The following DCAF8L2 variants were observed in gnomAD, a reference collection of about 807,000 sequenced individuals.
DCAF8L2 encodes DDB1 and CUL4 associated factor 8 like 2.
For missense variants in DCAF8L2, 430 were observed against 490.7 expected, an observed-to-expected ratio of 0.88 and a Z score of 1.17; for synonymous variants, 200 against 190.9, an observed-to-expected ratio of 1.05 and a Z score of -0.39.
chrX:27,546,245 A>T, the DCAF8L2 span, among the ~76,000 whole-genome samples: 1 of 112,079 alleles, frequency 8.9e-6, no homozygotes, highest in Non-Finnish European at 1.9e-5. Flanking sequence ...CTTTGACTTC[A>T]TGTCTCACAT....
the DCAF8L2 span, among the ~76,000 whole-genome samples, chrX:27,493,659 T>A: frequency 1.0e-5 from 1 of 96,594 alleles, no homozygotes; most frequent in South Asian, 4.6e-4. Flanking sequence ...TGCAGTGAGC[T>A]GAGATCGCAC....
At chrX:27,556,480 T>C in the DCAF8L2 span, among the ~76,000 whole-genome samples, 1 of 112,172 alleles carries the variant, frequency 8.9e-6, no homozygotes, top group African/African-American at 3.2e-5. Context: ...TTGGTTCTTA[T>C]GCCACCACCA....
At chrX:27,481,074 C>T in the DCAF8L2 span, among the ~76,000 whole-genome samples, 2 of 111,167 alleles carry the variant, frequency 1.8e-5, no homozygotes, top group African/African-American at 3.3e-5. Context: ...GGGCTTTAGT[C>T]CATGTTAAGA....
intron 3 of DCAF8L2, among the ~76,000 whole-genome samples, chrX:27,714,456 T>A (rs903209511): frequency 3.6e-5 from 4 of 111,422 alleles, no homozygotes; most frequent in African/African-American, 1.3e-4. Context: ...GGCAAAGAAA[T>A]GTTCTTAGCA....
chrX:27,634,952 G>A (rs995564318), intron 2 of DCAF8L2, among the ~76,000 whole-genome samples: 3 of 85,457 alleles, frequency 3.5e-5, no homozygotes, highest in Admixed American at 1.3e-4. Context: ...CACAAACCAT[G>A]TATATACACA....
chrX:27,479,985 C>T, the DCAF8L2 span, among the ~76,000 whole-genome samples: 1 of 112,046 alleles, frequency 8.9e-6, no homozygotes, highest in Non-Finnish European at 1.9e-5. Context: ...GTGCATTTTT[C>T]TGGTGAAAGA....
At chrX:27,596,016 G>A (rs1926341991) in intron 1 of DCAF8L2, among the ~76,000 whole-genome samples, 1 of 111,616 alleles carries the variant, frequency 9.0e-6, no homozygotes, top group South Asian at 3.7e-4. Flanking sequence ...GCAACAGCGA[G>A]ACTCCATCTC....
At chrX:27,687,210 G>A (rs1297650438) in intron 3 of DCAF8L2, among the ~76,000 whole-genome samples, 1 of 111,894 alleles carries the variant, frequency 8.9e-6, no homozygotes, top group Non-Finnish European at 1.9e-5. Context: ...ATGTGTCCAC[G>A]AAAATAAAAT....
chrX:27,670,834 C>T (rs1337088349), intron 2 of DCAF8L2, among the ~76,000 whole-genome samples: 1 of 111,632 alleles, frequency 9.0e-6, no homozygotes. Context: ...CCTCTCTCAT[C>T]GCTCTGACAT....
intron 2 of DCAF8L2, among the ~76,000 whole-genome samples, chrX:27,653,725 TACACACAC>T (rs34651746): frequency 6.5e-5 from 6 of 92,078 alleles, no homozygotes; most frequent in Non-Finnish European, 1.1e-4. Context: ...CAGATATGTA[TACACACAC>T]ACACACACAC....
At chrX:27,734,004 T>C (rs2147324093) in intron 4 of DCAF8L2, among the ~76,000 whole-genome samples, 1 of 110,777 alleles carries the variant, frequency 9.0e-6, no homozygotes, top group East Asian at 2.9e-4. Flanking sequence ...ATAAAAAAAA[T>C]CCCAACAAAA....
At chrX:27,511,239 G>A in the DCAF8L2 span, among the ~76,000 whole-genome samples, 2 of 111,109 alleles carry the variant, frequency 1.8e-5, no homozygotes, top group Non-Finnish European at 3.8e-5. Flanking sequence ...GCTTGTGGAG[G>A]GAAAGCTAGG....
chrX:27,681,356 C>T (rs901856258), intron 3 of DCAF8L2, among the ~76,000 whole-genome samples: 3 of 111,302 alleles, frequency 2.7e-5, no homozygotes, highest in Non-Finnish European at 5.7e-5. Flanking sequence ...ATAGGTCTGA[C>T]GTAATATTTT....
At chrX:27,552,282 A>C in the DCAF8L2 span, among the ~76,000 whole-genome samples, 1 of 111,042 alleles carries the variant, frequency 9.0e-6, no homozygotes, top group Non-Finnish European at 1.9e-5. Flanking sequence ...CCCTTCTTGT[A>C]CAGAATGTTT....
intron 1 of DCAF8L2, among the ~76,000 whole-genome samples, chrX:27,604,717 TTGAAG>T (rs1315731127): frequency 1.8e-5 from 2 of 111,974 alleles, no homozygotes; most frequent in Non-Finnish European, 3.8e-5. Flanking sequence ...TGGGAAACTG[TTGAAG>T]TGAAAGTAGA....
At chrX:27,632,336 C>T (rs1928322559) in intron 2 of DCAF8L2, 1 of 111,197 alleles carries the variant, frequency 9.0e-6, no homozygotes. Flanking sequence ...TGATGTCTCT[C>T]CCCAGTATGG....
At chrX:27,574,645 CTA>C in the DCAF8L2 span, among the ~76,000 whole-genome samples, 3 of 112,100 alleles carry the variant, frequency 2.7e-5, no homozygotes, top group Non-Finnish European at 5.6e-5. Context: ...AAGAAAACTT[CTA>C]TAGTCCACTG....
chrX:27,660,410 G>GT (rs371602471), intron 2 of DCAF8L2, among the ~76,000 whole-genome samples: 8,749 of 109,340 alleles, frequency 0.08, 813 homozygotes, highest in African/African-American at 0.26. Context: ...AGGTTTTTGT[G>GT]TTTTTTTTTG....
chrX:27,717,335 T>C (rs1006951548), intron 4 of DCAF8L2, among the ~76,000 whole-genome samples: 2 of 112,452 alleles, frequency 1.8e-5, no homozygotes, highest in African/African-American at 6.5e-5. Context: ...GCAGAACTAA[T>C]TTACATTCCC....
Sources: gnomAD v4.1 joint callset for allele counts (sites outside exome capture counted in the v4.1 genomes callset) on GRCh38, gnomAD v4.1.1 for gene constraint, MANE v1.5 for transcripts, NCBI Gene and HGNC (gene_info 2026-07-23, HGNC 2026-07-21) for gene names.